The following MSI2 variants were observed in gnomAD, a reference collection of about 807,000 sequenced individuals.
The protein encoded by MSI2 is RNA-binding protein Musashi homolog 2.
In MSI2, 17 loss-of-function variants were observed where a neutral mutation model predicts 45.6. That is an observed-to-expected ratio of 0.37 (90% confidence interval 0.26 to 0.56). The LOEUF is 0.56. Among genes scored for constraint, MSI2 ranks in the 20% least tolerant of loss-of-function variants. The pLI, the probability that MSI2 is intolerant of heterozygous loss-of-function variation, is 0.77. For synonymous variants in MSI2, 156 were observed against 158.2 expected, an observed-to-expected ratio of 0.99 and a Z score of 0.11; for missense variants, 293 against 444.2, an observed-to-expected ratio of 0.66 and a Z score of 3.06.
chr17:57,676,067 G>T (rs1308973831), intron 12 of MSI2, among the ~76,000 whole-genome samples: 1 of 152,224 alleles, frequency 6.6e-6, no homozygotes, highest in African/African-American at 2.4e-5. Context: ...GCAGTCCCAG[G>T]CCACGTTCCT....
At chr17:57,526,260 A>G (rs1422230788) in intron 6 of MSI2, among the ~76,000 whole-genome samples, 1 of 151,992 alleles carries the variant, frequency 6.6e-6, no homozygotes, top group Admixed American at 6.6e-5. Context: ...TCCTGTTCCC[A>G]GCTTCCCCTA....
intron 6 of MSI2, among the ~76,000 whole-genome samples, chr17:57,481,475 C>T (rs2085646320): frequency 1.3e-5 from 2 of 152,186 alleles, no homozygotes; most frequent in African/African-American, 4.8e-5. Flanking sequence ...ACAATTGTCA[C>T]TGAAACTATA....
intron 6 of MSI2, among the ~76,000 whole-genome samples, chr17:57,415,655 C>A (rs190917659): frequency 6.6e-6 from 1 of 151,936 alleles, no homozygotes; most frequent in African/African-American, 2.4e-5. Flanking sequence ...GCTCCCCATT[C>A]CCCCCAACAT....
At chr17:57,631,908 C>T in intron 10 of MSI2, 3 of 1,578,944 alleles carry the variant, frequency 1.9e-6, no homozygotes, top group Non-Finnish European at 2.6e-6. Flanking sequence ...CCTGGGCTGC[C>T]CCCGCTCCAG....
intron 1 of MSI2, 45 bp from the exon 2 acceptor site, chr17:57,257,053 C>CG (rs1906819423): frequency 6.3e-7 from 1 of 1,592,094 alleles, no homozygotes; most frequent in Admixed American, 1.7e-5. Context: ...TCAAAATGGC[C>CG]GATCTGACAT....
chr17:57,262,274 G>T, intron 5 of MSI2, 82 bp downstream of exon 5: 1 of 1,438,576 alleles, frequency 7.0e-7, no homozygotes, highest in Non-Finnish European at 9.8e-7. Context: ...CATTGGCCAT[G>T]AACTGTTGAA....
intron 5 of MSI2, among the ~76,000 whole-genome samples, chr17:57,381,061 T>C (rs2083589811): frequency 6.6e-6 from 1 of 152,126 alleles, no homozygotes; most frequent in South Asian, 2.1e-4. Flanking sequence ...CCTACCCATT[T>C]ACTTCTCAAT....
At chr17:57,576,990 C>T (rs1228165758) in intron 7 of MSI2, among the ~76,000 whole-genome samples, 1 of 151,956 alleles carries the variant, frequency 6.6e-6, no homozygotes, top group Non-Finnish European at 1.5e-5. Flanking sequence ...ATATTCCATT[C>T]CAGGCATTTA....
intron 11 of MSI2, among the ~76,000 whole-genome samples, chr17:57,665,414 T>C (rs774002505): frequency 1.3e-5 from 2 of 152,358 alleles, no homozygotes; most frequent in East Asian, 3.9e-4. Context: ...GCTGAATGGC[T>C]CTGTGCTTGG....
intron 6 of MSI2, among the ~76,000 whole-genome samples, chr17:57,462,159 C>G (rs984597658): frequency 6.6e-6 from 1 of 152,246 alleles, no homozygotes; most frequent in African/African-American, 2.4e-5. Context: ...ACTCCAATCT[C>G]TGCCTTCATC....
At chr17:57,690,235 G>C in the MSI2 span, among the ~76,000 whole-genome samples, 2 of 149,680 alleles carry the variant, frequency 1.3e-5, no homozygotes, top group South Asian at 4.3e-4. Flanking sequence ...AATGAGTAAT[G>C]ATCTTGAGCA....
chr17:57,631,805 T>C, intron 10 of MSI2: 1 of 1,613,608 alleles, frequency 6.2e-7, no homozygotes, highest in Non-Finnish European at 8.5e-7. Flanking sequence ...TTTGCCGGTT[T>C]CACAAGACAT....
chr17:57,289,037 G>A (rs1910165369), intron 5 of MSI2, among the ~76,000 whole-genome samples: 1 of 152,180 alleles, frequency 6.6e-6, no homozygotes, highest in Non-Finnish European at 1.5e-5. Context: ...ATAAGAAGGG[G>A]AAATATTTGT....
Position 57,627,134 on chromosome 17 carries a change from C to A in MSI2, c.653-95C>A. 9.0e-7 allele frequency: 1 copy of A among 1,108,944 alleles called. No homozygotes were observed. Among genetic ancestry groups the A allele is most frequent in the Non-Finnish European group, 1.4e-6 (1 of 722,896 alleles). 68.7% of individuals were successfully genotyped at this position (1,108,944 alleles called of 1,614,324 possible). A position where few individuals can be genotyped will look rare whatever the true frequency, so the allele number is the denominator to read the frequency against. ...CAAATTATTCTGTGAAGGAAAATAA[C>A]TCAGGCTTTCCTCATTGCCACCCTC... On this transcript the variant is annotated intron_variant, in intron 9 of 13. Transcript: ENST00000284073. The surrounding 1 kb of genome is among the most constrained non-coding windows in gnomAD (Gnocchi z 4.6).
chr17:57,668,296 GA>G (rs1045929768), intron 11 of MSI2, among the ~76,000 whole-genome samples: 1 of 152,122 alleles, frequency 6.6e-6, no homozygotes, highest in African/African-American at 2.4e-5. Flanking sequence ...CTTTACCACT[GA>G]CATGTTATAT....
Position 57,684,258 on chromosome 17 carries a change from G to A in MSI2, c.*4741G>A, listed in dbSNP as rs1021287076. ...GGCTAGCCAATCTGCCGTTCATGGT[G>A]TATTGTAAACTCCGAATTCCATATG... On this transcript the variant is annotated 3_prime_UTR_variant, in exon 14 of 14. Coordinates refer to ENST00000284073, the MANE Select transcript of MSI2 (RefSeq NM_138962.4). 1.9e-5 allele frequency: 4 copies of A among 205,164 alleles called. No individual in the cohort carries two copies. Among genetic ancestry groups the A allele is most frequent in the Non-Finnish European group, 3.0e-5 (3 of 100,240 alleles). 12.7% of individuals were successfully genotyped at this position (205,164 alleles called of 1,614,324 possible).
At chr17:57,602,777 G>A (rs1906050074) in intron 8 of MSI2, among the ~76,000 whole-genome samples, 2 of 152,174 alleles carry the variant, frequency 1.3e-5, no homozygotes, top group Admixed American at 6.5e-5. Context: ...TGAGAGGTCT[G>A]GATGCTGGTA....
At chr17:57,412,443 C>G (rs955976549) in intron 6 of MSI2, among the ~76,000 whole-genome samples, 1 of 152,174 alleles carries the variant, frequency 6.6e-6, no homozygotes, top group African/African-American at 2.4e-5. Context: ...ACTTCAGGAT[C>G]GCTTCTGGCT....
chr17:57,326,301 T>A (rs1413968399), intron 5 of MSI2, among the ~76,000 whole-genome samples: 9 of 152,006 alleles, frequency 5.9e-5, no homozygotes, highest in Non-Finnish European at 4.4e-5. Context: ...TATCTGTGGG[T>A]TTTGCTTACT....
Sources: allele counts gnomAD v4.1 joint callset (sites outside exome capture counted in the v4.1 genomes callset), GRCh38; gene constraint gnomAD v4.1.1; non-coding constraint Gnocchi (gnomAD v3.1); transcripts MANE v1.5; gene names NCBI Gene and HGNC (gene_info 2026-07-23, HGNC 2026-07-21).